TRHDE: variants seen among roughly 807,000 people sequenced by gnomAD.
The protein encoded by TRHDE is thyrotropin-releasing hormone-degrading ectoenzyme.
In TRHDE, 72 loss-of-function variants were observed where a neutral mutation model predicts 125.7. The observed-to-expected ratio is 0.57, with a 90% confidence interval of 0.47 to 0.70. The LOEUF (loss-of-function observed/expected upper bound fraction) is 0.70, where lower values mean the gene tolerates loss of function less well. TRHDE is among the 30% of genes least tolerant of loss of function. The pLI is 0.00. For missense variants in TRHDE, 1,110 were observed against 1,327.1 expected (o/e 0.84, Z 2.54); for synonymous variants, 509 against 509.1 (o/e 1.00, Z 0.00).
intron 2 of TRHDE, among the ~76,000 whole-genome samples, chr12:72,370,332 A>G (rs1296381361): frequency 1.3e-5 from 2 of 152,122 alleles, no homozygotes; most frequent in Non-Finnish European, 1.5e-5. Flanking sequence ...GACTTCTACA[A>G]TAGTCTAACT....
intron 13 of TRHDE, 32 bp from the exon 14 acceptor site, chr12:72,621,076 C>T (rs1565813107): frequency 1.6e-6 from 2 of 1,248,470 alleles, no homozygotes; most frequent in Non-Finnish European, 2.3e-6. Context: ...TTTAAACTGA[C>T]CTTATCTTTA....
intron 2 of TRHDE, among the ~76,000 whole-genome samples, chr12:72,334,328 A>G (rs78832869): frequency 0.013 from 2,018 of 152,348 alleles, 45 homozygotes; most frequent in African/African-American, 0.046. Context: ...TAGAACAGAT[A>G]TAAGAACAGT....
At chr12:72,314,174 T>C (rs549779380) in intron 2 of TRHDE, among the ~76,000 whole-genome samples, 12 of 152,310 alleles carry the variant, frequency 7.9e-5, no homozygotes, top group South Asian at 4.1e-4. Flanking sequence ...CAAAAATATC[T>C]GTTTTATCAC....
chr12:72,325,827 A>G (rs1456765137), intron 2 of TRHDE, among the ~76,000 whole-genome samples: 1 of 152,178 alleles, frequency 6.6e-6, no homozygotes, highest in Non-Finnish European at 1.5e-5. Context: ...TTTTTTGCTT[A>G]AGTTGACTGG....
chr12:72,582,542 T>C (rs12581283), intron 12 of TRHDE: 137,704 of 985,164 alleles, frequency 0.14, 16,315 homozygotes, highest in African/African-American at 0.55. Context: ...TTGATCATTT[T>C]TTCACTTATT....
chr12:72,151,902 C>G (rs1477373504), intron 2 of TRHDE, among the ~76,000 whole-genome samples: 15 of 151,902 alleles, frequency 9.9e-5, no homozygotes, highest in Admixed American at 9.8e-4. Flanking sequence ...TCCATATGAA[C>G]TTTAAAGTAG....
At chr12:72,578,918 CA>C (rs1265544920) in intron 12 of TRHDE, among the ~76,000 whole-genome samples, 1 of 151,118 alleles carries the variant, frequency 6.6e-6, no homozygotes, top group Non-Finnish European at 1.5e-5. Flanking sequence ...TTATCCTGCT[CA>C]CAGGTAAAAT....
chr12:72,284,947 ATAGT>A (rs1423458339), intron 1 of TRHDE, among the ~76,000 whole-genome samples: 14 of 152,208 alleles, frequency 9.2e-5, no homozygotes, highest in African/African-American at 3.1e-4. Flanking sequence ...ACAGGGTCAG[ATAGT>A]TAAGTTACTT....
chr12:72,587,373 C>A (rs1214902), intron 12 of TRHDE, among the ~76,000 whole-genome samples: 2 of 152,146 alleles, frequency 1.3e-5, no homozygotes, highest in Non-Finnish European at 2.9e-5. Flanking sequence ...AGATGCAATA[C>A]GTAGGTTATT....
Position 72,272,936 on chromosome 12 carries a change from C to T in TRHDE, c.293C>T (p.Ala98Val). ...GCTGTGTCCCTCGTGGCATTGCTCGCGGTCACAATGCTCGCTGTGCTGCTC... is the reference window on the plus strand; with the variant it reads ...GCTGTGTCCCTCGTGGCATTGCTCGTGGTCACAATGCTCGCTGTGCTGCTC... ...AFAVSLVALL[A>V]VTMLAVLLSL... Residue 98 changes from alanine (A) to valine (V), a missense_variant, in exon 1 of 19, where the codon GCG (alanine) becomes GTG (valine). By Grantham distance (64) the Ala-to-Val change is moderately conservative. Around this residue, in one of 5 missense-constraint regions of TRHDE, gnomAD observed 248 missense variants for 240.8 expected, o/e 1.03. Coordinates refer to ENST00000261180, the MANE Select transcript of TRHDE (RefSeq NM_013381.3). This position sits in a 1 kb window ranked among gnomAD's most constrained non-coding sequence, Gnocchi z 6.7. 1 of 1,577,512 alleles carries T rather than the reference C, an allele frequency of 6.3e-7. No homozygotes were observed. The highest frequency in any genetic ancestry group is 8.6e-7 in the Non-Finnish European group (1 of 1,169,572).
At chr12:72,356,769 A>G (rs1870843684) in intron 2 of TRHDE, among the ~76,000 whole-genome samples, 1 of 151,426 alleles carries the variant, frequency 6.6e-6, no homozygotes, top group Non-Finnish European at 1.5e-5. Flanking sequence ...AGGTAGAGGG[A>G]GAGGTCAAGA....
At chr12:72,530,063 G>C (rs954070739) in intron 6 of TRHDE, among the ~76,000 whole-genome samples, 1 of 152,044 alleles carries the variant, frequency 6.6e-6, no homozygotes, top group Non-Finnish European at 1.5e-5. Context: ...ACGTTGAGCT[G>C]TTTCTTGTCT....
At chr12:72,314,284 TTTTCTTTTCTTTC>T (rs1693264716) in intron 2 of TRHDE, among the ~76,000 whole-genome samples, 1 of 151,766 alleles carries the variant, frequency 6.6e-6, no homozygotes, top group African/African-American at 2.4e-5. Flanking sequence ...TTCTCTTTTC[TTTTCTTTTCTTTC>T]TTTCTTTTCT....
intron 2 of TRHDE, among the ~76,000 whole-genome samples, chr12:72,349,435 T>A (rs1384985437): frequency 6.6e-6 from 1 of 152,052 alleles, no homozygotes; most frequent in African/African-American, 2.4e-5. Context: ...CTTTGGGACT[T>A]TATTGATGCC....
At chr12:72,655,862 C>CT (rs988010422) in intron 17 of TRHDE, among the ~76,000 whole-genome samples, 4 of 152,006 alleles carry the variant, frequency 2.6e-5, no homozygotes, top group African/African-American at 4.8e-5. Context: ...ACTTAGCTAG[C>CT]TTTTTTTCTG....
chr12:72,433,857 GAATTTAGCCTCTTCAA>G (rs1874612437), intron 3 of TRHDE, among the ~76,000 whole-genome samples: 1 of 151,896 alleles, frequency 6.6e-6, no homozygotes, highest in South Asian at 2.1e-4. Context: ...CACATGCCTG[GAATTTAGCCTCTTCAA>G]CATGGAGCTG....
intron 3 of TRHDE, among the ~76,000 whole-genome samples, chr12:72,446,100 T>C (rs2135862782): frequency 6.6e-6 from 1 of 151,790 alleles, no homozygotes; most frequent in East Asian, 1.9e-4. Flanking sequence ...TGGGGACCTG[T>C]CAAAATCCAA....
At chr12:72,381,675 C>T (rs1413414381) in intron 3 of TRHDE, among the ~76,000 whole-genome samples, 1 of 152,104 alleles carries the variant, frequency 6.6e-6, no homozygotes, top group African/African-American at 2.4e-5. Flanking sequence ...GGATTACAGG[C>T]GTGAGCCACC....
chr12:72,453,666 G>A (rs990350633), intron 3 of TRHDE, among the ~76,000 whole-genome samples: 44 of 152,306 alleles, frequency 2.9e-4, no homozygotes, highest in African/African-American at 1.0e-3. Flanking sequence ...CTAAGAAGCA[G>A]CCCCTCCCAT....
Sources: gnomAD v4.1 joint callset for allele counts (sites outside exome capture counted in the v4.1 genomes callset) on GRCh38, gnomAD v4.1.1 for gene constraint, gnomAD v4.1.1 regional missense constraint, Gnocchi (gnomAD v3.1) non-coding constraint, MANE v1.5 for transcripts, NCBI Gene and HGNC (gene_info 2026-07-23, HGNC 2026-07-21) for gene names.